The following KCTD16 variants were observed in gnomAD, a reference collection of about 807,000 sequenced individuals.
KCTD16 encodes the protein BTB/POZ domain-containing protein KCTD16.
KCTD16 carries 13 observed loss-of-function variants against 33.2 expected under a neutral mutation model. The observed-to-expected ratio is 0.39, with a 90% confidence interval of 0.25 to 0.62. The LOEUF (loss-of-function observed/expected upper bound fraction) is 0.62, where lower values mean the gene tolerates loss of function less well. Among genes scored for constraint, KCTD16 ranks in the 20% least tolerant of loss-of-function variants. KCTD16 has a pLI of 0.50. For missense variants in KCTD16, 441 were observed against 525.1 expected (o/e 0.84, Z 1.57); for synonymous variants, 197 against 195.3 (o/e 1.01, Z -0.07).
chr5:144,206,700 C>CAGA lies in KCTD16; in HGVS notation c.-10_-8dup. The stretch of plus-strand genomic sequence containing the variant: ...CACCTTTAAATCAAAATAGCAGCAG[C>CAGA]AGAAGAAAGGGACAATGGCTCTGAG... On this transcript the variant is annotated 5_prime_UTR_variant, in exon 3 of 4. Transcript: ENST00000512467. 5 of 1,593,462 alleles carry CAGA rather than the reference C, an allele frequency of 3.1e-6. No homozygotes were observed. The highest frequency in any genetic ancestry group is 4.3e-6 in the Non-Finnish European group (5 of 1,166,692).
intron 3 of KCTD16, among the ~76,000 whole-genome samples, chr5:144,391,250 G>A (rs570337913): frequency 1.3e-5 from 2 of 152,190 alleles, no homozygotes; most frequent in Non-Finnish European, 2.9e-5. Context: ...ATTGCAAAAG[G>A]CTTCTCAGAA....
intron 3 of KCTD16, among the ~76,000 whole-genome samples, chr5:144,342,690 A>G (rs1752678142): frequency 6.6e-6 from 1 of 152,150 alleles, no homozygotes; most frequent in South Asian, 2.1e-4. Flanking sequence ...GTTTTTGCCC[A>G]TTCAGTACGA....
rs144574013 is a variant in KCTD16 at position 144,354,050 on chromosome 5, A to G, written c.833-119610A>G. 6.1e-3 allele frequency among the ~76,000 whole-genome samples: 925 copies of G among 152,282 alleles called. 8 individuals carry two copies. The highest frequency in any genetic ancestry group is 0.021 in the African/African-American group (859 of 41,568). ...TAAGGTAAATTCTGATTTCATAAAC[A>G]TTAAAATGTGGGGTGAAATCAACTT... On this transcript the variant is annotated intron_variant, in intron 3 of 3. Transcript: ENST00000512467.
chr5:144,211,827 TC>T (rs1753405245), intron 3 of KCTD16, among the ~76,000 whole-genome samples: 1 of 152,122 alleles, frequency 6.6e-6, no homozygotes, highest in Non-Finnish European at 1.5e-5. Flanking sequence ...ACTACCAGCA[TC>T]TCTCTCTGTG....
rs1580967317 is a variant in KCTD16 at position 144,440,926 on chromosome 5, T to G, written c.833-32734T>G. Among the ~76,000 whole-genome samples the G allele has an allele frequency of 3.6e-5, 5 of 139,834 alleles. No individual in the cohort carries two copies. The South Asian group carries it at 1.4e-3, about 38-fold the overall frequency. The allele number at this position is 139,834 out of a possible 152,430, so 91.7% of individuals were successfully genotyped here. A position where few individuals can be genotyped will look rare whatever the true frequency, so the allele number is the denominator to read the frequency against. On this transcript the variant is annotated intron_variant, in intron 3 of 3. Transcript: ENST00000512467. ...CACAACAGTCCCCGGTGTGTGATGT[T>G]CCCCTTCCTGTGTCCATGTGTTCTC...
intron 3 of KCTD16, among the ~76,000 whole-genome samples, chr5:144,231,654 TG>T (rs1754106603): frequency 6.6e-6 from 1 of 152,124 alleles, no homozygotes; most frequent in Non-Finnish European, 1.5e-5. Context: ...AATTGAATTA[TG>T]GGGGTGGTTC....
chr5:144,442,276 T>TG (rs1753728497), intron 3 of KCTD16, among the ~76,000 whole-genome samples: 2 of 152,112 alleles, frequency 1.3e-5, no homozygotes, highest in Non-Finnish European at 2.9e-5. Context: ...GCTTTGGACA[T>TG]GCTTTGATTC....
intron 3 of KCTD16, among the ~76,000 whole-genome samples, chr5:144,318,384 A>G (rs926976269): frequency 6.6e-6 from 1 of 152,194 alleles, no homozygotes; most frequent in Non-Finnish European, 1.5e-5. Flanking sequence ...GCAATAAGGG[A>G]ATGTCTGTGT....
At chr5:144,429,046 G>T (rs539751989) in intron 3 of KCTD16, among the ~76,000 whole-genome samples, 1 of 152,088 alleles carries the variant, frequency 6.6e-6, no homozygotes, top group Non-Finnish European at 1.5e-5. Flanking sequence ...GTAGCAGGTG[G>T]CAGTAAAAAG....
intron 2 of KCTD16, among the ~76,000 whole-genome samples, chr5:144,199,548 A>T (rs1011289429): frequency 3.3e-5 from 5 of 151,990 alleles, no homozygotes; most frequent in African/African-American, 9.7e-5. Context: ...TATGTTTTTC[A>T]TTTGCCAACC....
chr5:144,256,407 A>G (rs1754849196), intron 3 of KCTD16, among the ~76,000 whole-genome samples: 1 of 152,182 alleles, frequency 6.6e-6, no homozygotes, highest in Non-Finnish European at 1.5e-5. Flanking sequence ...AAAAATTTGC[A>G]AAGTCTGTTG....
At chr5:144,393,784 C>T (rs1242678231) in intron 3 of KCTD16, among the ~76,000 whole-genome samples, 1 of 152,178 alleles carries the variant, frequency 6.6e-6, no homozygotes, top group Non-Finnish European at 1.5e-5. Flanking sequence ...TAATTGCCAA[C>T]TTTATTTTGT....
chr5:144,476,845 GT>G lies in KCTD16; in HGVS notation c.*2733del, dbSNP rs1166455958. 2.0e-5 allele frequency: 3 copies of G among 152,080 alleles called. No individual in the cohort carries two copies. Among genetic ancestry groups the G allele is most frequent in the Admixed American group, 6.5e-5 (1 of 15,268 alleles). The allele number at this position is 152,080 out of a possible 1,614,324, so 9.4% of individuals were successfully genotyped here. On this transcript the variant is annotated 3_prime_UTR_variant, in exon 4 of 4. Transcript: ENST00000512467. ...TGTGACTCGGGCATGTTTCCCTGAA[GT>G]TAAAATAGTTTTTAGAACTTTTTGT...
intron 3 of KCTD16, among the ~76,000 whole-genome samples, chr5:144,245,338 C>T (rs539366752): frequency 1.3e-5 from 2 of 152,134 alleles, no homozygotes; most frequent in Non-Finnish European, 2.9e-5. Flanking sequence ...GAGGGTTTAA[C>T]CTCATCAGAG....
chr5:144,360,262 C>T (rs6870569), intron 3 of KCTD16, among the ~76,000 whole-genome samples: 48 of 152,164 alleles, frequency 3.2e-4, no homozygotes, highest in Non-Finnish European at 5.7e-4. Flanking sequence ...CCTCCTACCC[C>T]CCAAGAGGCC....
intron 3 of KCTD16, among the ~76,000 whole-genome samples, chr5:144,225,552 T>TTG (rs10550980): frequency 0.07 from 9,710 of 138,202 alleles, 350 homozygotes; most frequent in East Asian, 0.12. Flanking sequence ...CAAAAATAAA[T>TTG]TGTGTGTGTG....
At chr5:144,225,626 TTCTGGC>T (rs1324013370) in intron 3 of KCTD16, among the ~76,000 whole-genome samples, 3 of 150,126 alleles carry the variant, frequency 2.0e-5, no homozygotes, top group Admixed American at 6.7e-5. Context: ...ATGTTAGAGT[TTCTGGC>T]TCTAGAATCA....
Position 144,207,452 on chromosome 5 carries a change from C to T in KCTD16, c.738C>T (p.His246=). 2.5e-6 allele frequency: 4 copies of T among 1,614,198 alleles called. No homozygotes were observed. Among genetic ancestry groups the T allele is most frequent in the Non-Finnish European group, 3.4e-6 (4 of 1,180,034 alleles). The change falls in exon 3 of 4, where the codon CAC becomes CAT. Residue 246 remains histidine (H), a synonymous_variant. Transcript: ENST00000512467. Reference sequence around the variant, plus strand: ...ATATGTTGTCAGAGTGTGGATTCCACATGGTGGCCTGTAACTCATCGGTGA... The same window carrying T: ...ATATGTTGTCAGAGTGTGGATTCCATATGGTGGCCTGTAACTCATCGGTGA... ...AFDMLSECGF[H]MVACNSSVTA...
intron 3 of KCTD16, among the ~76,000 whole-genome samples, chr5:144,382,269 G>T (rs1485084071): frequency 6.6e-6 from 1 of 152,112 alleles, no homozygotes; most frequent in Non-Finnish European, 1.5e-5. Context: ...TGGGAAGAGG[G>T]TGAAGGTACT....
Sources: gnomAD v4.1 joint callset for allele counts (sites outside exome capture counted in the v4.1 genomes callset) on GRCh38, gnomAD v4.1.1 for gene constraint, MANE v1.5 for transcripts, NCBI Gene and HGNC (gene_info 2026-07-23, HGNC 2026-07-21) for gene names.